Variants in TSHZ2 observed in about 807,000 individuals in gnomAD.
TSHZ2 encodes the protein teashirt zinc finger homeobox 2, also known as teashirt homolog 2.
Under a neutral mutation model 74.4 loss-of-function variants are expected in TSHZ2, and 21 were observed. The observed-to-expected ratio is 0.28, with a 90% CI of 0.20 to 0.41. The LOEUF is 0.41. TSHZ2 is among the 10% of genes least tolerant of loss of function. The probability of loss-of-function intolerance (pLI) is 1.00; values close to 1 mark genes in which losing one functional copy is unlikely to be tolerated. For missense variants in TSHZ2, 1,244 were observed against 1,293.5 expected (o/e 0.96, Z 0.59); for synonymous variants, 540 against 515.3 (o/e 1.05, Z -0.65).
At position 52,973,130 on chromosome 20, in the gene TSHZ2, T is replaced by G; in HGVS notation, c.-164T>G. 7.4e-6 allele frequency: 6 copies of G among 809,026 alleles called. No homozygotes were observed. Among genetic ancestry groups the G allele is most frequent in the Non-Finnish European group, 1.1e-5 (6 of 525,192 alleles). 50.1% of individuals were successfully genotyped at this position (809,026 alleles called of 1,614,324 possible). ...AGAGAGGGGGGTCTCTGGCCCGTGG[T>G]GGAGGAGTTGCAGGGGGGATCGTCA... On this transcript the variant is annotated 5_prime_UTR_variant, in exon 1 of 3. Transcript: ENST00000371497.
At chr20:53,314,714 C>T (rs949998456) in intron 2 of TSHZ2, among the ~76,000 whole-genome samples, 4 of 151,636 alleles carry the variant, frequency 2.6e-5, no homozygotes, top group Non-Finnish European at 5.9e-5. Context: ...CTTCCCCTCC[C>T]GGGTTCAAGT....
chr20:53,105,585 C>G (rs55692494), intron 1 of TSHZ2, among the ~76,000 whole-genome samples: 10,680 of 152,202 alleles, frequency 0.07, 448 homozygotes, highest in Non-Finnish European at 0.1. Context: ...TTATCATTCA[C>G]TGATACCAAT....
chr20:53,207,131 A>G (rs1023329369), intron 1 of TSHZ2, among the ~76,000 whole-genome samples: 1 of 152,160 alleles, frequency 6.6e-6, no homozygotes, highest in Non-Finnish European at 1.5e-5. Flanking sequence ...AGGGATAATG[A>G]TGCCCTAATA....
chr20:53,250,144 A>G (rs1990292698), intron 1 of TSHZ2, among the ~76,000 whole-genome samples: 1 of 152,226 alleles, frequency 6.6e-6, no homozygotes, highest in African/African-American at 2.4e-5. Flanking sequence ...TTGGAAAAGG[A>G]AATTTTTGCC....
chr20:53,212,859 T>G (rs1389872512), intron 1 of TSHZ2, among the ~76,000 whole-genome samples: 2 of 152,232 alleles, frequency 1.3e-5, no homozygotes, highest in Admixed American at 6.5e-5. Flanking sequence ...AACCCATCCC[T>G]GGACCACTCC....
At position 53,450,443 on chromosome 20, in the gene TSHZ2, C is replaced by G. The variant is rs543437206; in HGVS notation, c.*9-36701C>G. On this transcript the variant is annotated intron_variant, in intron 2 of 2. Transcript: ENST00000371497. ...CTCATGCAGGATCCACAAGAATGAG[C>G]CATTTGCCTTTATTCTATTATTGTT... Among the ~76,000 whole-genome samples, 4 of 152,292 alleles carry G rather than the reference C, an allele frequency of 2.6e-5. No homozygotes were observed. The East Asian group carries it at 7.7e-4, about 29-fold the overall frequency.
intron 1 of TSHZ2, among the ~76,000 whole-genome samples, chr20:53,245,378 T>C (rs1990177367): frequency 6.6e-6 from 1 of 152,186 alleles, no homozygotes; most frequent in Non-Finnish European, 1.5e-5. Flanking sequence ...CTCTCTTGGT[T>C]GGTGTTTTCC....
chr20:53,123,679 G>C (rs1986874214), intron 1 of TSHZ2, among the ~76,000 whole-genome samples: 1 of 136,502 alleles, frequency 7.3e-6, no homozygotes, highest in African/African-American at 3.5e-5. Context: ...GAAGATACAA[G>C]TAAGTTAGCC....
chr20:53,065,689 A>AC (rs1403387414), intron 1 of TSHZ2, among the ~76,000 whole-genome samples: 1 of 152,176 alleles, frequency 6.6e-6, no homozygotes, highest in African/African-American at 2.4e-5. Context: ...AATACACAGG[A>AC]CCCTACCTTC....
intron 2 of TSHZ2, among the ~76,000 whole-genome samples, chr20:53,414,116 A>T (rs1350707935): frequency 1.3e-5 from 2 of 152,130 alleles, no homozygotes; most frequent in African/African-American, 4.8e-5. Flanking sequence ...GCAAGACCTT[A>T]TCTCAAAAAA....
chr20:52,995,813 G>A (rs1982165857), intron 1 of TSHZ2, among the ~76,000 whole-genome samples: 1 of 151,474 alleles, frequency 6.6e-6, no homozygotes, highest in Non-Finnish European at 1.5e-5. Context: ...GTAGAGACAG[G>A]GTTTTGCCAT....
chr20:53,307,016 T>C (rs1206948326), intron 2 of TSHZ2, among the ~76,000 whole-genome samples: 1 of 152,130 alleles, frequency 6.6e-6, no homozygotes, highest in African/African-American at 2.4e-5. Context: ...CACCCCAAGT[T>C]TGTCCGGACT....
At chr20:53,417,859 A>G (rs572852765) in intron 2 of TSHZ2, among the ~76,000 whole-genome samples, 1 of 152,320 alleles carries the variant, frequency 6.6e-6, no homozygotes, top group South Asian at 2.1e-4. Context: ...AATACATAAT[A>G]AAAGTAATCA....
At chr20:53,437,210 C>T (rs908029519) in intron 2 of TSHZ2, among the ~76,000 whole-genome samples, 3 of 152,180 alleles carry the variant, frequency 2.0e-5, no homozygotes, top group Non-Finnish European at 2.9e-5. Context: ...CAGTAGCTCA[C>T]GCCTGTAATT....
At chr20:53,076,156 T>A (rs1423242269) in intron 1 of TSHZ2, among the ~76,000 whole-genome samples, 10 of 152,086 alleles carry the variant, frequency 6.6e-5, no homozygotes, top group Admixed American at 6.5e-4. Flanking sequence ...CTGGCAGTAG[T>A]TTACAAAACT....
intron 1 of TSHZ2, among the ~76,000 whole-genome samples, chr20:53,025,577 C>A (rs992848875): frequency 6.6e-6 from 1 of 152,202 alleles, no homozygotes; most frequent in African/African-American, 2.4e-5. Context: ...CCGCCCCACC[C>A]CTGGGTGCCT....
intron 2 of TSHZ2, among the ~76,000 whole-genome samples, chr20:53,480,585 AAAAAAT>A (rs1986123850): frequency 6.6e-6 from 1 of 152,048 alleles, no homozygotes; most frequent in Non-Finnish European, 1.5e-5. Flanking sequence ...AAAAAAAAGA[AAAAAAT>A]AAAAAATGGG....
chr20:53,016,966 C>T (rs1044006732), intron 1 of TSHZ2, among the ~76,000 whole-genome samples: 5 of 152,068 alleles, frequency 3.3e-5, no homozygotes, highest in African/African-American at 7.2e-5. Context: ...GAGACAAGGA[C>T]GTTATTCTCT....
intron 2 of TSHZ2, among the ~76,000 whole-genome samples, chr20:53,340,147 T>C (rs970036071): frequency 1.3e-5 from 2 of 150,106 alleles, no homozygotes; most frequent in Admixed American, 6.6e-5. Context: ...AATGCAGGAA[T>C]GCTAGGATAA....
Sources: gnomAD v4.1 joint callset for allele counts (sites outside exome capture counted in the v4.1 genomes callset) on GRCh38, gnomAD v4.1.1 for gene constraint, MANE v1.5 for transcripts, NCBI Gene and HGNC (gene_info 2026-07-23, HGNC 2026-07-21) for gene names.